RFX3: variants seen among roughly 807,000 people sequenced by gnomAD.
The protein encoded by RFX3 is regulatory factor X3.
In RFX3, 14 loss-of-function variants were observed where a neutral mutation model predicts 98.6. The ratio of observed to expected loss-of-function variants is 0.14; its 90% CI spans 0.09 to 0.22. The LOEUF (loss-of-function observed/expected upper bound fraction) is 0.22, where lower values mean the gene tolerates loss of function less well. Among genes scored for constraint, RFX3 ranks in the 10% least tolerant of loss-of-function variants. RFX3 has a pLI of 1.00. For synonymous variants in RFX3, 383 were observed against 328.4 expected (o/e 1.17, Z -1.80); for missense variants, 639 against 926.9 (o/e 0.69, Z 4.03).
At chr9:3,306,772 A>C (rs1454548155) in intron 4 of RFX3, among the ~76,000 whole-genome samples, 2 of 152,038 alleles carry the variant, frequency 1.3e-5, no homozygotes, top group Admixed American at 1.3e-4. Flanking sequence ...AAAAAAGAAA[A>C]TTGACAAATA....
At chr9:3,401,339 T>C (rs762585687) in intron 1 of RFX3, among the ~76,000 whole-genome samples, 41 of 152,208 alleles carry the variant, frequency 2.7e-4, no homozygotes, top group Admixed American at 1.6e-3. Flanking sequence ...TTCCAACATT[T>C]CTGCAAAGTA....
intron 4 of RFX3, among the ~76,000 whole-genome samples, chr9:3,308,228 G>T (rs763162936): frequency 2.0e-5 from 3 of 152,128 alleles, no homozygotes; most frequent in Admixed American, 1.3e-4. Context: ...ACTGGTTCAT[G>T]AAGGTCCTGG....
At chr9:3,359,286 T>G (rs1332023746) in intron 2 of RFX3, among the ~76,000 whole-genome samples, 1 of 152,102 alleles carries the variant, frequency 6.6e-6, no homozygotes, top group Non-Finnish European at 1.5e-5. Context: ...AGTGAGAAGT[T>G]AAGAAGTTAA....
intron 1 of RFX3, among the ~76,000 whole-genome samples, chr9:3,433,055 G>A (rs1472395715): frequency 1.3e-5 from 2 of 152,066 alleles, no homozygotes; most frequent in Non-Finnish European, 2.9e-5. Context: ...AAGTCCTGAA[G>A]TCAGCCCTGC....
At chr9:3,423,839 A>T (rs1194115634) in intron 1 of RFX3, among the ~76,000 whole-genome samples, 1 of 144,030 alleles carries the variant, frequency 6.9e-6, no homozygotes, top group African/African-American at 2.5e-5. Flanking sequence ...AAAAGAACAA[A>T]ATCTTAGAAT....
intron 1 of RFX3, chr9:3,524,625 C>T (rs1387356940): frequency 1.0e-6 from 1 of 984,234 alleles, no homozygotes; most frequent in Non-Finnish European, 1.2e-6. Flanking sequence ...TCTCACAAAG[C>T]TTCCTTGTGT....
At chr9:3,337,326 A>C (rs1245367883) in intron 3 of RFX3, among the ~76,000 whole-genome samples, 1 of 152,218 alleles carries the variant, frequency 6.6e-6, no homozygotes, top group Non-Finnish European at 1.5e-5. Flanking sequence ...GAAATAACTA[A>C]AGGCAGCCAG....
intron 4 of RFX3, chr9:3,324,187 T>A (rs867649057): frequency 1.0e-4 from 25 of 241,598 alleles, no homozygotes; most frequent in Middle Eastern, 4.6e-4. Context: ...AGTCTTTTTT[T>A]AAAAAATATT....
rs577864821 is a variant in RFX3, at chr9:3,478,067, T to C, written c.-9+47680A>G. On this transcript the variant is annotated intron_variant, in intron 1 of 16. Transcript: ENST00000617270. Reference sequence around the variant, plus strand: ...ATGCTTCCCTTTAATTCTTTAGACATGGTTTCATTTAGTTCTTTGAATGTA... The same window carrying C: ...ATGCTTCCCTTTAATTCTTTAGACACGGTTTCATTTAGTTCTTTGAATGTA... Among the ~76,000 whole-genome samples, 201 of 152,304 alleles carry C rather than the reference T, an allele frequency of 1.3e-3. 5 individuals carry two copies. The South Asian group carries it at 0.04, about 30-fold the overall frequency.
intron 2 of RFX3, among the ~76,000 whole-genome samples, chr9:3,392,122 C>A (rs1840377292): frequency 6.6e-6 from 1 of 152,100 alleles, no homozygotes; most frequent in African/African-American, 2.4e-5. Context: ...CCTTGTCAGT[C>A]AGATGACCCC....
intron 14 of RFX3, among the ~76,000 whole-genome samples, chr9:3,254,375 T>C (rs530946164): frequency 2.2e-4 from 33 of 152,104 alleles, no homozygotes; most frequent in Non-Finnish European, 4.3e-4. Context: ...TTTTTGGATG[T>C]AGAGGATGGA....
chr9:3,395,327 G>C, intron 2 of RFX3, 145 bp downstream of exon 2: 2 of 874,372 alleles, frequency 2.3e-6, no homozygotes, highest in South Asian at 3.4e-5. Context: ...AAATGCTCAA[G>C]AAACATTTGC....
intron 1 of RFX3, among the ~76,000 whole-genome samples, chr9:3,481,673 C>T (rs1170637042): frequency 2.0e-5 from 3 of 151,460 alleles, no homozygotes; most frequent in South Asian, 2.1e-4. Context: ...ATTTCCATAT[C>T]CTATAATATG....
At chr9:3,448,158 T>C (rs966556719) in intron 1 of RFX3, among the ~76,000 whole-genome samples, 9 of 149,236 alleles carry the variant, frequency 6.0e-5, no homozygotes, top group African/African-American at 2.3e-4. Context: ...CATAAACACA[T>C]GATTTAAAAA....
intron 1 of RFX3, among the ~76,000 whole-genome samples, chr9:3,436,476 G>A (rs987354076): frequency 1.3e-5 from 2 of 151,998 alleles, no homozygotes; most frequent in Non-Finnish European, 2.9e-5. Flanking sequence ...TTAGTAAAAA[G>A]ATAAACACTA....
chr9:3,287,941 T>C (rs1826849857), intron 7 of RFX3, among the ~76,000 whole-genome samples, 190 bp downstream of exon 7: 1 of 152,030 alleles, frequency 6.6e-6, no homozygotes, highest in African/African-American at 2.4e-5. Context: ...GACTGATAAG[T>C]ACTTTTTAAA....
intron 1 of RFX3, among the ~76,000 whole-genome samples, chr9:3,499,811 T>C (rs976478509): frequency 2.0e-5 from 3 of 152,152 alleles, no homozygotes; most frequent in African/African-American, 7.2e-5. Flanking sequence ...TCCAGGACTT[T>C]CCACGGATAT....
At chr9:3,375,755 T>C (rs894841357) in intron 2 of RFX3, among the ~76,000 whole-genome samples, 4 of 152,002 alleles carry the variant, frequency 2.6e-5, no homozygotes, top group African/African-American at 9.7e-5. Context: ...GGTCAGGAGA[T>C]CGAGACCATC....
intron 1 of RFX3, among the ~76,000 whole-genome samples, chr9:3,432,727 G>T (rs986769442): frequency 1.8e-4 from 28 of 152,292 alleles, no homozygotes; most frequent in African/African-American, 6.3e-4. Context: ...TGAGGAAGAA[G>T]ATGTAGAAGC....
Sources: gnomAD v4.1 joint callset for allele counts (sites outside exome capture counted in the v4.1 genomes callset) on GRCh38, gnomAD v4.1.1 for gene constraint, MANE v1.5 for transcripts, NCBI Gene and HGNC (gene_info 2026-07-23, HGNC 2026-07-21) for gene names.